Variants in GAD1 observed in about 807,000 individuals in gnomAD.
The protein encoded by GAD1 is 67 kDa glutamic acid decarboxylase.
GAD1 carries 35 observed loss-of-function variants against 75.2 expected under a neutral mutation model. The observed-to-expected ratio is 0.47, with a 90% CI of 0.36 to 0.62. The LOEUF (loss-of-function observed/expected upper bound fraction) is 0.62. Ranked by LOEUF, GAD1 falls within the 20% of genes least tolerant of loss-of-function variation. GAD1 has a pLI of 0.00. For synonymous variants in GAD1, 257 were observed against 271.9 expected (o/e 0.95, Z 0.54); for missense variants, 490 against 758.5 (o/e 0.65, Z 4.16).
intron 14 of GAD1, 100 bp from the exon 15 acceptor site, chr2:170,856,918 C>T (rs1575447672): frequency 2.1e-6 from 2 of 947,620 alleles, no homozygotes; most frequent in East Asian, 2.4e-5. Flanking sequence ...TCCAAAAATA[C>T]TTTTTTTGTT....
At chr2:170,856,090 T>C (rs183068127) in intron 14 of GAD1, among the ~76,000 whole-genome samples, 46 of 152,302 alleles carry the variant, frequency 3.0e-4, no homozygotes, top group Non-Finnish European at 6.5e-4. Context: ...GTGGACTGAC[T>C]AGGGTGTACA....
intron 14 of GAD1, among the ~76,000 whole-genome samples, chr2:170,856,535 G>A (rs1439508073): frequency 6.6e-6 from 1 of 152,104 alleles, no homozygotes; most frequent in African/African-American, 2.4e-5. Flanking sequence ...CACCTATCAT[G>A]GACCAATACC....
At chr2:170,821,404 A>G (rs1274278538) in intron 2 of GAD1, among the ~76,000 whole-genome samples, 1 of 152,110 alleles carries the variant, frequency 6.6e-6, no homozygotes, top group Non-Finnish European at 1.5e-5. Flanking sequence ...CTCCAGACCC[A>G]AGATGTCAGA....
chr2:170,851,131 AG>A (rs1702737035), intron 12 of GAD1, among the ~76,000 whole-genome samples: 1 of 152,230 alleles, frequency 6.6e-6, no homozygotes, highest in Admixed American at 6.5e-5. Context: ...ATTTCACACT[AG>A]ACTTTTTCTT....
intron 4 of GAD1, among the ~76,000 whole-genome samples, chr2:170,830,199 C>T (rs189515427): frequency 9.1e-4 from 138 of 152,324 alleles, no homozygotes; most frequent in African/African-American, 3.1e-3. Context: ...AGAAGGCAGA[C>T]CAGAGTATTA....
intron 7 of GAD1, among the ~76,000 whole-genome samples, chr2:170,844,569 C>T (rs1702592255): frequency 6.6e-6 from 1 of 152,020 alleles, no homozygotes; most frequent in African/African-American, 2.4e-5. Flanking sequence ...CCACCATGCC[C>T]AGCCGTTTTA....
intron 12 of GAD1, among the ~76,000 whole-genome samples, chr2:170,851,119 A>G (rs911707719): frequency 3.3e-5 from 5 of 152,226 alleles, no homozygotes; most frequent in Non-Finnish European, 4.4e-5. Flanking sequence ...AAAACTTAAA[A>G]CATTTCACAC....
At chr2:170,828,287 G>A (rs756435576) in intron 3 of GAD1, among the ~76,000 whole-genome samples, 108 of 107,848 alleles carry the variant, frequency 1.0e-3, no homozygotes, top group African/African-American at 4.0e-3. Flanking sequence ...TCCCTCTGCT[G>A]TCCTCACCCT....
intron 13 of GAD1, 34 bp downstream of exon 13, chr2:170,852,826 G>A (rs755272403): frequency 1.4e-5 from 22 of 1,583,846 alleles, no homozygotes; most frequent in East Asian, 4.5e-5. Context: ...ACTGGGGCCC[G>A]TACGTTCTTT....
At chr2:170,844,733 T>A (rs1167737488) in intron 7 of GAD1, among the ~76,000 whole-genome samples, 1 of 152,212 alleles carries the variant, frequency 6.6e-6, no homozygotes, top group Non-Finnish European at 1.5e-5. Flanking sequence ...TAGTTTGAAG[T>A]AGATAAAATA....
At chr2:170,831,356 T>C (rs1432973244) in intron 5 of GAD1, among the ~76,000 whole-genome samples, 164 bp downstream of exon 5, 1 of 152,118 alleles carries the variant, frequency 6.6e-6, no homozygotes, top group Non-Finnish European at 1.5e-5. Context: ...GCAGTAACAG[T>C]TGGTGGAGGG....
In GAD1 at chr2:170,853,005, T is replaced by C; in HGVS notation, c.1263+213T>C. The C allele has an allele frequency of 4.9e-6, 3 of 614,638 alleles. No homozygotes were observed. Among genetic ancestry groups the C allele is most frequent in the South Asian group, 3.8e-5 (2 of 52,424 alleles). The allele number at this position is 614,638 out of a possible 1,614,324, so 38.1% of individuals were successfully genotyped here. ...GCTACTGTGCTTCTTCTTTGATCAG[T>C]ACTCAGGGTCTGTCAGCAACTGAAC... On this transcript the variant is annotated intron_variant, in intron 13 of 16. Coordinates refer to ENST00000358196, the MANE Select transcript of GAD1 (RefSeq NM_000817.3). The surrounding 1 kb of genome is among the most constrained non-coding windows in gnomAD (Gnocchi z 4.1).
chr2:170,836,721 G>A, intron 5 of GAD1, 72 bp from the exon 6 acceptor site: 1 of 1,010,804 alleles, frequency 9.9e-7, no homozygotes, highest in East Asian at 2.4e-5. Flanking sequence ...GACCCAGTGG[G>A]GCAGGCCGTT....
chr2:170,835,099 A>T (rs964294366), intron 5 of GAD1, among the ~76,000 whole-genome samples: 8 of 152,190 alleles, frequency 5.3e-5, no homozygotes, highest in East Asian at 1.9e-4. Context: ...AACTTTTTTT[A>T]AAAAAGTCCA....
intron 14 of GAD1, among the ~76,000 whole-genome samples, chr2:170,855,284 C>G (rs1386770946): frequency 6.6e-6 from 1 of 151,232 alleles, no homozygotes; most frequent in Admixed American, 6.6e-5. Flanking sequence ...TCTCTGCTCC[C>G]TGCAACCTCC....
intron 6 of GAD1, among the ~76,000 whole-genome samples, chr2:170,842,149 A>T (rs1702531077): frequency 6.6e-6 from 1 of 152,116 alleles, no homozygotes; most frequent in African/African-American, 2.4e-5. Context: ...ATTCATGCAA[A>T]CCTTGGGCCT....
chr2:170,830,959 C>T lies in GAD1; in HGVS notation c.314C>T (p.Pro105Leu), dbSNP rs1330345105. ...FSNLFARDLL[P>L]AKNGEEQTVQ... ...GCTCTCCCCAATTCAGATCTGCTTCCGGCTAAGAACGGTGAGGAGCAAACC... is the reference window on the plus strand; with the variant it reads ...GCTCTCCCCAATTCAGATCTGCTTCTGGCTAAGAACGGTGAGGAGCAAACC... Residue 105 changes from proline to leucine, a missense_variant, in exon 5 of 17, where the codon CCG (proline) becomes CTG (leucine). Coordinates refer to ENST00000358196, the MANE Select transcript of GAD1 (RefSeq NM_000817.3). 6 of 1,614,008 alleles carry T rather than the reference C, an allele frequency of 3.7e-6. No homozygotes were observed. Among genetic ancestry groups the T allele is most frequent in the Non-Finnish European group, 3.4e-6 (4 of 1,180,046 alleles).
intron 2 of GAD1, among the ~76,000 whole-genome samples, chr2:170,821,236 C>A (rs1701871154): frequency 6.6e-6 from 1 of 152,184 alleles, no homozygotes; most frequent in African/African-American, 2.4e-5. Flanking sequence ...GGGGATGGGG[C>A]TGCTTCCCAC....
At chr2:170,834,202 A>G (rs1287478383) in intron 5 of GAD1, among the ~76,000 whole-genome samples, 1 of 152,218 alleles carries the variant, frequency 6.6e-6, no homozygotes, top group East Asian at 1.9e-4. Flanking sequence ...TGGCCCTGAT[A>G]AAAGCATGCT....
Sources: gnomAD v4.1 joint callset for allele counts (sites outside exome capture counted in the v4.1 genomes callset) on GRCh38, gnomAD v4.1.1 for gene constraint, Gnocchi (gnomAD v3.1) non-coding constraint, MANE v1.5 for transcripts, NCBI Gene and HGNC (gene_info 2026-07-23, HGNC 2026-07-21) for gene names.